Variants in CFAP47 observed in about 807,000 individuals in gnomAD.
CFAP47 encodes cilia and flagella associated protein 47.
CFAP47 carries 29 observed loss-of-function variants against 148.1 expected under a neutral mutation model. The observed-to-expected ratio is 0.20, with a 90% confidence interval of 0.15 to 0.27. CFAP47 has a LOEUF of 0.27. Ranked by LOEUF, CFAP47 falls within the 10% of genes least tolerant of loss-of-function variation. The pLI is 1.00. For synonymous variants in CFAP47, 664 were observed against 577.3 expected, an observed-to-expected ratio of 1.15 and a Z score of -2.15; for missense variants, 1,872 against 1,697.5, an observed-to-expected ratio of 1.10 and a Z score of -1.81.
chrX:36,132,762 T>C (rs985213256), intron 33 of CFAP47, among the ~76,000 whole-genome samples: 3 of 111,909 alleles, frequency 2.7e-5, no homozygotes, highest in Non-Finnish European at 3.8e-5. Context: ...CTATTCTTAC[T>C]GAGAGCCTTG....
chrX:36,146,281 T>C (rs906404758), intron 36 of CFAP47, among the ~76,000 whole-genome samples: 1 of 112,076 alleles, frequency 8.9e-6, no homozygotes, highest in East Asian at 2.8e-4. Context: ...TCTGTCTACA[T>C]GATTGTATTC....
At chrX:36,169,088 A>G (rs1315602208) in intron 39 of CFAP47, among the ~76,000 whole-genome samples, 3 of 111,373 alleles carry the variant, frequency 2.7e-5, no homozygotes, top group Non-Finnish European at 1.9e-5. Flanking sequence ...TACTGAATAC[A>G]TAATCCTATT....
chrX:36,267,328 T>C (rs1030375962), intron 49 of CFAP47, among the ~76,000 whole-genome samples: 1 of 111,290 alleles, frequency 9.0e-6, no homozygotes, highest in Non-Finnish European at 1.9e-5. Context: ...CTAGGTAGAG[T>C]GCTATCAATA....
At chrX:36,141,725 G>T (rs923300663) in intron 35 of CFAP47, among the ~76,000 whole-genome samples, 3 of 112,242 alleles carry the variant, frequency 2.7e-5, no homozygotes, top group Non-Finnish European at 3.8e-5. Flanking sequence ...GACAATCAAA[G>T]ATTATAAGGA....
At position 36,240,228 on chromosome X, in the gene CFAP47, G is replaced by A. The variant is rs147973096; in HGVS notation, c.7332+3369G>A. 7.9e-3 allele frequency among the ~76,000 whole-genome samples: 880 copies of A among 111,446 alleles called. 2 individuals carry two copies. The highest frequency in any genetic ancestry group is 0.013 in the Non-Finnish European group (703 of 53,073). ...TTATGAGATGAAGCAAAAGGACAAG[G>A]AAGCAAAGAAACAGGAAAGTATGAC... On this transcript the variant is annotated intron_variant, in intron 48 of 63. Transcript: ENST00000378653.
rs185284235 is a variant in CFAP47 at position 36,201,474 on chromosome X, G to A, written c.6637G>A (p.Ala2213Thr). Reference sequence around the variant, plus strand: ...GAGCAGTAGTATCCGTGTGGCCATCGCCCTCCTGGGACTGACGAAGATCGA... The same window carrying A: ...GAGCAGTAGTATCCGTGTGGCCATCACCCTCCTGGGACTGACGAAGATCGA... The part of the protein sequence containing the change: ...LESSSIRVAI[A>T]LLGLTKIETL... The change falls in exon 44 of 64, where the codon GCC becomes ACC. Residue 2213 changes from alanine to threonine, a missense_variant. By Grantham distance (58) the Ala-to-Thr change is moderately conservative. Coordinates refer to ENST00000378653, the MANE Select transcript of CFAP47 (RefSeq NM_001304548.2). 11 of 295,140 alleles carry A rather than the reference G, an allele frequency of 3.7e-5. No individual in the cohort carries two copies. The highest frequency in any genetic ancestry group is 8.9e-4 in the Middle Eastern group (1 of 1,129). The allele number at this position is 295,140 out of a possible 1,213,427, so 24.3% of individuals were successfully genotyped here.
At chrX:36,252,303 C>T (rs1045140927) in intron 49 of CFAP47, among the ~76,000 whole-genome samples, 4 of 108,531 alleles carry the variant, frequency 3.7e-5, no homozygotes, top group South Asian at 4.0e-4. Flanking sequence ...AGTATAGAAG[C>T]GATAGTGAGC....
intron 18 of CFAP47, among the ~76,000 whole-genome samples, chrX:35,995,461 T>G: frequency 9.0e-6 from 1 of 111,314 alleles, no homozygotes; most frequent in Middle Eastern, 4.6e-3. Flanking sequence ...AATGCAGAGT[T>G]ATTAGTCTGG....
chrX:36,037,699 G>A (rs1194255074), intron 24 of CFAP47, among the ~76,000 whole-genome samples: 1 of 110,833 alleles, frequency 9.0e-6, no homozygotes, highest in African/African-American at 3.3e-5. Context: ...TAAGAGGTCT[G>A]AAATTCTGAA....
chrX:36,053,690 A>T (rs1489548470), intron 26 of CFAP47, among the ~76,000 whole-genome samples: 1 of 112,316 alleles, frequency 8.9e-6, no homozygotes, highest in African/African-American at 3.2e-5. Flanking sequence ...TAGTCTCTAT[A>T]CAAGGTAGAA....
At chrX:36,071,133 C>T (rs1466348478) in intron 27 of CFAP47, among the ~76,000 whole-genome samples, 5 of 112,080 alleles carry the variant, frequency 4.5e-5, no homozygotes, top group Non-Finnish European at 9.4e-5. Flanking sequence ...CTTTCCTGGG[C>T]AAAGCCAAGA....
chrX:36,130,725 A>G (rs914656328), intron 33 of CFAP47, among the ~76,000 whole-genome samples: 9 of 111,404 alleles, frequency 8.1e-5, no homozygotes, highest in Non-Finnish European at 1.5e-4. Flanking sequence ...ACATACACAC[A>G]ATGGGGTACT....
At chrX:36,096,653 G>A (rs915102917) in intron 30 of CFAP47, among the ~76,000 whole-genome samples, 2 of 109,707 alleles carry the variant, frequency 1.8e-5, no homozygotes, top group Non-Finnish European at 3.8e-5. Flanking sequence ...TTTGATACAA[G>A]TATAGCTACT....
intron 26 of CFAP47, among the ~76,000 whole-genome samples, chrX:36,058,209 T>C (rs1263170834): frequency 1.8e-5 from 2 of 112,029 alleles, no homozygotes; most frequent in Non-Finnish European, 3.8e-5. Flanking sequence ...TGCCAGCCAC[T>C]CTACATGAAA....
intron 18 of CFAP47, among the ~76,000 whole-genome samples, chrX:35,995,565 G>T (rs1250766819): frequency 4.5e-5 from 5 of 111,248 alleles, no homozygotes; most frequent in Non-Finnish European, 9.4e-5. Flanking sequence ...AAATGGGTAT[G>T]TCAAGAGTGA....
At chrX:36,124,654 G>A (rs906101273) in intron 33 of CFAP47, among the ~76,000 whole-genome samples, 11 of 111,384 alleles carry the variant, frequency 9.9e-5, no homozygotes, top group Non-Finnish European at 1.3e-4. Flanking sequence ...TTAGGGGAGG[G>A]ATGGTGTCCA....
At chrX:35,955,794 T>A (rs1306692487) in intron 7 of CFAP47, among the ~76,000 whole-genome samples, 167 bp from the exon 8 acceptor site, 2 of 112,860 alleles carry the variant, frequency 1.8e-5, no homozygotes, top group Non-Finnish European at 3.7e-5. Context: ...CACTGCTGTA[T>A]CCGCAAGGCG....
chrX:36,100,953 C>T (rs1343305728), intron 32 of CFAP47, among the ~76,000 whole-genome samples: 2 of 110,784 alleles, frequency 1.8e-5, no homozygotes, highest in East Asian at 5.8e-4. Context: ...CATGTTGCCC[C>T]CTGGCAGTCT....
chrX:36,182,283 G>A (rs765437182), intron 40 of CFAP47, among the ~76,000 whole-genome samples: 4 of 111,849 alleles, frequency 3.6e-5, no homozygotes, highest in Non-Finnish European at 7.5e-5. Flanking sequence ...AACCTAGCTG[G>A]AGGAAAGACT....
Sources: allele counts gnomAD v4.1 joint callset (sites outside exome capture counted in the v4.1 genomes callset), GRCh38; gene constraint gnomAD v4.1.1; transcripts MANE v1.5; gene names NCBI Gene and HGNC (gene_info 2026-07-23, HGNC 2026-07-21).